BABAM2: variants seen among roughly 807,000 people sequenced by gnomAD.
BABAM2 encodes BRISC and BRCA1 A complex member 2.
BABAM2 carries 31 observed loss-of-function variants against 54.7 expected under a neutral mutation model. The observed-to-expected ratio is 0.57, with a 90% CI of 0.43 to 0.77. BABAM2 has a LOEUF of 0.77. Ranked by LOEUF, BABAM2 falls within the 30% of genes least tolerant of loss-of-function variation. BABAM2 has a pLI of 0.00. For missense variants in BABAM2, 364 were observed against 455.8 expected (o/e 0.80, Z 1.83); for synonymous variants, 167 against 162.9 (o/e 1.03, Z -0.19).
At chr2:28,016,394 A>AT in intron 4 of BABAM2, 2 of 1,399,212 alleles carry the variant, frequency 1.4e-6, no homozygotes, top group African/African-American at 1.4e-5. Flanking sequence ...ATAATCCTGT[A>AT]TTTTTGGCCC....
At chr2:28,243,949 T>C (rs956521248) in intron 9 of BABAM2, among the ~76,000 whole-genome samples, 6 of 152,134 alleles carry the variant, frequency 3.9e-5, no homozygotes, top group African/African-American at 1.4e-4. Flanking sequence ...CCTCCTTGTA[T>C]GGATGAGAAA....
intron 7 of BABAM2, among the ~76,000 whole-genome samples, chr2:28,224,768 C>T (rs1558450355): frequency 6.8e-6 from 1 of 146,324 alleles, no homozygotes; most frequent in Non-Finnish European, 1.5e-5. Flanking sequence ...AGCAGAATTC[C>T]AATGTTTTGA....
chr2:28,124,006 C>T (rs1421661959), intron 6 of BABAM2, among the ~76,000 whole-genome samples: 1 of 152,172 alleles, frequency 6.6e-6, no homozygotes, highest in Non-Finnish European at 1.5e-5. Context: ...TACCCATAGG[C>T]ATATGGAATA....
intron 8 of BABAM2, among the ~76,000 whole-genome samples, chr2:28,238,022 A>G (rs1682073849): frequency 1.3e-5 from 2 of 151,814 alleles, no homozygotes; most frequent in Non-Finnish European, 2.9e-5. Flanking sequence ...GCTAATTTTT[A>G]TATTTTTAGT....
At chr2:28,249,711 G>A (rs895119963) in intron 10 of BABAM2, among the ~76,000 whole-genome samples, 4 of 152,042 alleles carry the variant, frequency 2.6e-5, no homozygotes, top group Admixed American at 2.0e-4. Flanking sequence ...TGCAATCATG[G>A]CTCACTGTAG....
chr2:27,933,333 A>G (rs75389529), intron 3 of BABAM2, among the ~76,000 whole-genome samples: 19 of 152,276 alleles, frequency 1.2e-4, no homozygotes, highest in Non-Finnish European at 2.6e-4. Context: ...TATAATGGCA[A>G]TTCTTATGCT....
chr2:27,945,805 T>C (rs1448163112), intron 3 of BABAM2, among the ~76,000 whole-genome samples: 1 of 152,036 alleles, frequency 6.6e-6, no homozygotes, highest in East Asian at 1.9e-4. Flanking sequence ...TGTGGTTTTT[T>C]TTTTTTTGAA....
intron 4 of BABAM2, among the ~76,000 whole-genome samples, chr2:28,005,401 T>C (rs1673884703): frequency 1.3e-5 from 2 of 152,200 alleles, no homozygotes; most frequent in Admixed American, 6.5e-5. Context: ...TTAGTATTTT[T>C]TGGACTTTTT....
chr2:28,271,432 G>A (rs1685423429), intron 10 of BABAM2, among the ~76,000 whole-genome samples: 1 of 152,138 alleles, frequency 6.6e-6, no homozygotes, highest in African/African-American at 2.4e-5. Flanking sequence ...GGCCCTCACA[G>A]GGACAGCTGT....
intron 4 of BABAM2, among the ~76,000 whole-genome samples, chr2:28,012,579 G>A (rs1406955663): frequency 6.6e-6 from 1 of 152,146 alleles, no homozygotes; most frequent in Non-Finnish European, 1.5e-5. Flanking sequence ...TGAGGATAAA[G>A]ACAACACCTA....
At chr2:28,065,984 A>AG (rs1200617897) in intron 6 of BABAM2, among the ~76,000 whole-genome samples, 3 of 150,328 alleles carry the variant, frequency 2.0e-5, no homozygotes, top group Admixed American at 6.6e-5. Flanking sequence ...CTACTAAAAA[A>AG]AAAAAAAAAA....
chr2:28,097,166 T>C (rs7572644), intron 6 of BABAM2, among the ~76,000 whole-genome samples: 33,333 of 152,028 alleles, frequency 0.22, 4,569 homozygotes, highest in East Asian at 0.57. Flanking sequence ...ACCATAGCTG[T>C]AGGGAAACCG....
At chr2:28,119,305 T>G (rs991451829) in intron 6 of BABAM2, among the ~76,000 whole-genome samples, 1 of 152,180 alleles carries the variant, frequency 6.6e-6, no homozygotes, top group Non-Finnish European at 1.5e-5. Flanking sequence ...CTCTAAAAAC[T>G]TTTATGAGTA....
At chr2:27,949,229 A>G (rs1310710217) in intron 3 of BABAM2, among the ~76,000 whole-genome samples, 1 of 152,206 alleles carries the variant, frequency 6.6e-6, no homozygotes, top group Non-Finnish European at 1.5e-5. Flanking sequence ...ACATCTTAAG[A>G]GACTCAAAGA....
chr2:28,142,637 A>G (rs1369294224), intron 7 of BABAM2, among the ~76,000 whole-genome samples: 1 of 152,066 alleles, frequency 6.6e-6, no homozygotes. Context: ...TTTTATAGCC[A>G]TGTTTCTCTG....
At chr2:28,122,694 T>C (rs1669181207) in intron 6 of BABAM2, among the ~76,000 whole-genome samples, 2 of 152,206 alleles carry the variant, frequency 1.3e-5, no homozygotes, top group Admixed American at 1.3e-4. Context: ...TAATGACTGC[T>C]ATCTTTACTT....
chr2:28,194,593 TTTTGAGAAGGAGTC>T (rs1677303931), intron 7 of BABAM2, among the ~76,000 whole-genome samples: 1 of 149,470 alleles, frequency 6.7e-6, no homozygotes, highest in African/African-American at 2.5e-5. Flanking sequence ...TTTTTTTTTT[TTTTGAGAAGGAGTC>T]TTGCTTCACT....
chr2:28,156,886 T>A (rs1326038386), intron 7 of BABAM2, among the ~76,000 whole-genome samples: 1 of 152,228 alleles, frequency 6.6e-6, no homozygotes, highest in Non-Finnish European at 1.5e-5. Flanking sequence ...TACAAATTTT[T>A]AAATGGAACT....
intron 11 of BABAM2, among the ~76,000 whole-genome samples, chr2:28,302,979 G>A (rs1267855090): frequency 1.3e-5 from 2 of 151,900 alleles, no homozygotes; most frequent in African/African-American, 4.8e-5. Context: ...TATATTTTTT[G>A]TGAGTATCGT....
Sources: allele counts gnomAD v4.1 joint callset (sites outside exome capture counted in the v4.1 genomes callset), GRCh38; gene constraint gnomAD v4.1.1; transcripts MANE v1.5; gene names NCBI Gene and HGNC (gene_info 2026-07-23, HGNC 2026-07-21).